Variants in LDB2 observed in about 807,000 individuals in gnomAD.
LDB2 encodes LIM domain binding 2, also known as LIM domain-binding protein 2.
In LDB2, 12 loss-of-function variants were observed where a neutral mutation model predicts 44.3. That is an observed-to-expected ratio of 0.27 (90% CI 0.17 to 0.44). The LOEUF is 0.44. LDB2 is among the 20% of genes least tolerant of loss of function. The pLI is 1.00. For synonymous variants in LDB2, 164 were observed against 174.8 expected (o/e 0.94, Z 0.49); for missense variants, 344 against 473.5 (o/e 0.73, Z 2.54).
chr4:16,802,110 G>C (rs543804053), intron 1 of LDB2, among the ~76,000 whole-genome samples: 2 of 152,236 alleles, frequency 1.3e-5, no homozygotes, highest in South Asian at 4.1e-4. Context: ...CCAAGTGTCA[G>C]TAAGCATTAG....
chr4:16,875,928 A>G (rs1056854508), intron 1 of LDB2, among the ~76,000 whole-genome samples: 2 of 152,196 alleles, frequency 1.3e-5, no homozygotes, highest in African/African-American at 4.8e-5. Context: ...CCTGGATAGC[A>G]GGCATTATAG....
intron 5 of LDB2, among the ~76,000 whole-genome samples, chr4:16,553,543 T>C (rs904614343): frequency 2.6e-5 from 4 of 152,122 alleles, no homozygotes; most frequent in African/African-American, 9.7e-5. Context: ...TGTTGTTGTT[T>C]GTTGTTTGTT....
Position 16,812,863 on chromosome 4 carries a change from T to C in LDB2, c.133-53603A>G, listed in dbSNP as rs532498746. ...TTCTTCCAAGAAACGCTAAATATTA[T>C]GCCAACATTTCCTCATTAATCTTCT... On this transcript the variant is annotated intron_variant, in intron 1 of 7. Coordinates refer to ENST00000304523, the MANE Select transcript of LDB2 (RefSeq NM_001290.5). Among the ~76,000 whole-genome samples the C allele has an allele frequency of 1.6e-4, 25 of 152,148 alleles. 1 individual carries two copies. The South Asian group carries it at 5.2e-3, about 32-fold the overall frequency.
intron 4 of LDB2, among the ~76,000 whole-genome samples, chr4:16,586,475 A>G (rs950449886): frequency 2.1e-5 from 3 of 143,116 alleles, no homozygotes; most frequent in Non-Finnish European, 4.5e-5. Context: ...AAACTTTGCC[A>G]CTGTCTTGAA....
chr4:16,768,446 A>G (rs1021790463), intron 1 of LDB2, among the ~76,000 whole-genome samples: 2 of 152,194 alleles, frequency 1.3e-5, no homozygotes, highest in African/African-American at 4.8e-5. Flanking sequence ...GATACTGAAG[A>G]AAGGATAAAT....
chr4:16,538,559 A>C (rs1732650173), intron 5 of LDB2, among the ~76,000 whole-genome samples: 1 of 152,126 alleles, frequency 6.6e-6, no homozygotes. Flanking sequence ...TGTTTATTTC[A>C]CTTGCTTGCT....
intron 5 of LDB2, among the ~76,000 whole-genome samples, chr4:16,574,751 T>C (rs1199231349): frequency 6.6e-6 from 1 of 152,208 alleles, no homozygotes; most frequent in Non-Finnish European, 1.5e-5. Context: ...GCATTTATTA[T>C]GCTTCTTCTG....
At chr4:16,666,271 T>C (rs970228640) in intron 2 of LDB2, among the ~76,000 whole-genome samples, 2 of 152,148 alleles carry the variant, frequency 1.3e-5, no homozygotes, top group East Asian at 3.9e-4. Context: ...TTTCTCTGGC[T>C]CACACGGGAG....
chr4:16,753,505 C>G (rs560509307), intron 2 of LDB2, among the ~76,000 whole-genome samples: 1 of 152,252 alleles, frequency 6.6e-6, no homozygotes, highest in East Asian at 1.9e-4. Flanking sequence ...AGAGAAACAG[C>G]AAGTGTAGAA....
chr4:16,742,058 TTTTTTC>T (rs888069500), intron 2 of LDB2, among the ~76,000 whole-genome samples: 5 of 149,528 alleles, frequency 3.3e-5, no homozygotes, highest in Non-Finnish European at 7.4e-5. Context: ...CTTTCTTTCT[TTTTTTC>T]TTTTCTTTTC....
chr4:16,821,766 A>AAAAAAAAAAAAAAC (rs1782110613), intron 1 of LDB2, among the ~76,000 whole-genome samples: 3 of 150,398 alleles, frequency 2.0e-5, no homozygotes, highest in Non-Finnish European at 4.4e-5. Context: ...AAAAAAAAAA[A>AAAAAAAAAAAAAAC]AAAATCAGGA....
intron 7 of LDB2, 102 bp from the exon 8 acceptor site, chr4:16,502,975 C>A: frequency 6.2e-7 from 1 of 1,604,526 alleles, no homozygotes; most frequent in Non-Finnish European, 8.5e-7. Context: ...CAGACACACT[C>A]GTGTACTGTA....
At chr4:16,565,382 A>G (rs1391219673) in intron 5 of LDB2, among the ~76,000 whole-genome samples, 3 of 152,182 alleles carry the variant, frequency 2.0e-5, no homozygotes, top group Admixed American at 2.0e-4. Context: ...ATAAAAAGAG[A>G]AGAGTAAAAC....
At chr4:16,890,106 A>G (rs4698521) in intron 1 of LDB2, among the ~76,000 whole-genome samples, 40,432 of 152,162 alleles carry the variant, frequency 0.27, 5,931 homozygotes, top group Non-Finnish European at 0.33. Flanking sequence ...AAGGTCCTGC[A>G]GTGTGAATCA....
intron 7 of LDB2, 99 bp downstream of exon 7, chr4:16,508,435 AT>A (rs373952474): frequency 0.12 from 96,036 of 806,020 alleles, 3 homozygotes; most frequent in Middle Eastern, 0.14. Context: ...CCTGCCCAGG[AT>A]TTTTTTTTTT....
rs538662171 is a variant in LDB2 at position 16,559,995 on chromosome 4, A to G, written c.615+25927T>C. On this transcript the variant is annotated intron_variant, in intron 5 of 7. Coordinates refer to ENST00000304523, the MANE Select transcript of LDB2 (RefSeq NM_001290.5). Reference sequence around the variant, plus strand: ...GGTACATAACAAAATGAAGGCAGAAATAAAGATGTTCTTTGAAACCAACCA... The same window carrying G: ...GGTACATAACAAAATGAAGGCAGAAGTAAAGATGTTCTTTGAAACCAACCA... 4.8e-4 allele frequency among the ~76,000 whole-genome samples: 73 copies of G among 152,364 alleles called. 1 individual carries two copies. The highest frequency in any genetic ancestry group is 1.7e-3 in the African/African-American group (70 of 41,590).
chr4:16,799,506 C>T (rs1777362941), intron 1 of LDB2, among the ~76,000 whole-genome samples: 2 of 152,376 alleles, frequency 1.3e-5, no homozygotes, highest in South Asian at 4.1e-4. Flanking sequence ...AGGATTCTCT[C>T]CACGGGCTCT....
intron 1 of LDB2, among the ~76,000 whole-genome samples, chr4:16,788,448 C>T (rs1774971905): frequency 6.6e-6 from 1 of 152,240 alleles, no homozygotes; most frequent in African/African-American, 2.4e-5. Context: ...ATGCTAATCC[C>T]TCCTGTTCCT....
rs565561390 is a variant in LDB2 at position 16,774,288 on chromosome 4, C to T, written c.133-15028G>A. 1.5e-4 allele frequency among the ~76,000 whole-genome samples: 23 copies of T among 152,280 alleles called. No homozygotes were observed. The South Asian group carries it at 4.8e-3, about 32-fold the overall frequency. On this transcript the variant is annotated intron_variant, in intron 1 of 7. Coordinates refer to ENST00000304523, the MANE Select transcript of LDB2 (RefSeq NM_001290.5). ...ATCCTGTCCTGCCTTGATCCTAACG[C>T]CTCTCACACCTTCCAACCTGCAGAA...
Sources: gnomAD v4.1 joint callset for allele counts (sites outside exome capture counted in the v4.1 genomes callset) on GRCh38, gnomAD v4.1.1 for gene constraint, MANE v1.5 for transcripts, NCBI Gene and HGNC (gene_info 2026-07-23, HGNC 2026-07-21) for gene names.